The following THSD4 variants were observed in gnomAD, a reference collection of about 807,000 sequenced individuals.
THSD4 encodes the protein thrombospondin type 1 domain containing 4.
THSD4 carries 69 observed loss-of-function variants against 119.0 expected under a neutral mutation model. That is an observed-to-expected ratio of 0.58 (90% CI 0.48 to 0.71). The LOEUF is 0.71. Ranked by LOEUF, THSD4 falls within the 30% of genes least tolerant of loss-of-function variation. The pLI, the probability that THSD4 is intolerant of heterozygous loss-of-function variation, is 0.00. For missense variants in THSD4, 1,393 were observed against 1,391.1 expected (o/e 1.00, Z -0.02); for synonymous variants, 524 against 540.4 (o/e 0.97, Z 0.42).
At chr15:71,548,440 T>C (rs771467866) in intron 7 of THSD4, among the ~76,000 whole-genome samples, 4 of 152,246 alleles carry the variant, frequency 2.6e-5, no homozygotes, top group Non-Finnish European at 4.4e-5. Context: ...ATGTAATTAC[T>C]TTCCCTTGTC....
intron 10 of THSD4, among the ~76,000 whole-genome samples, chr15:71,735,174 A>AC (rs1417115197): frequency 6.6e-6 from 1 of 151,920 alleles, no homozygotes; most frequent in East Asian, 1.9e-4. Flanking sequence ...CATTGGCTAG[A>AC]CCCCCCTGGT....
At chr15:71,315,329 TG>T (rs1057199592) in intron 6 of THSD4, among the ~76,000 whole-genome samples, 2 of 152,244 alleles carry the variant, frequency 1.3e-5, no homozygotes, top group African/African-American at 4.8e-5. Flanking sequence ...GACTTTTAAT[TG>T]TCCACAGACC....
intron 16 of THSD4, among the ~76,000 whole-genome samples, chr15:71,765,790 CTGTGTGTGTGTGTGTG>C (rs59012463): frequency 6.8e-6 from 1 of 146,222 alleles, no homozygotes; most frequent in Non-Finnish European, 1.5e-5. Context: ...CACACACTCT[CTGTGTGTGTGTGTGTG>C]TGTGTGTGTG....
rs547404972 is a variant in THSD4, at chr15:71,756,803, C to T, written c.2416-1099C>T. Among the ~76,000 whole-genome samples the T allele has an allele frequency of 5.9e-5, 9 of 152,076 alleles. No individual in the cohort carries two copies. In the South Asian group the frequency reaches 6.2e-4, roughly 11 times the overall value. ...CCTGTCTCGAAAAAAAGAAAAGACA[C>T]GATAAGATGAGAACCAAAATAAGGG... On this transcript the variant is annotated intron_variant, in intron 14 of 17. Transcript: ENST00000261862.
At position 71,361,209 on chromosome 15, in the gene THSD4, C is replaced by A. The variant is rs529743134; in HGVS notation, c.1016-50478C>A. Among the ~76,000 whole-genome samples the A allele has an allele frequency of 1.0e-3, 155 of 152,266 alleles. 1 individual carries two copies. Among genetic ancestry groups the A allele is most frequent in the African/African-American group, 3.4e-3 (142 of 41,558 alleles). Reference sequence around the variant, plus strand: ...CACTGAAGGAGAAGACCATACATGTCTTTTAACATTTATTGGGAAAGAGCT... The same window carrying A: ...CACTGAAGGAGAAGACCATACATGTATTTTAACATTTATTGGGAAAGAGCT... On this transcript the variant is annotated intron_variant, in intron 6 of 17. Coordinates refer to ENST00000261862, the MANE Select transcript of THSD4 (RefSeq NM_024817.3).
chr15:71,743,151 A>G (rs546436083), intron 11 of THSD4, among the ~76,000 whole-genome samples: 8 of 152,296 alleles, frequency 5.3e-5, no homozygotes, highest in African/African-American at 1.7e-4. Context: ...GACCATGGAC[A>G]ATGTCCATAA....
chr15:71,158,581 G>A (rs893224452), intron 3 of THSD4, among the ~76,000 whole-genome samples: 1 of 151,646 alleles, frequency 6.6e-6, no homozygotes, highest in Non-Finnish European at 1.5e-5. Context: ...ATATTTTTTG[G>A]CCATTTGTAT....
rs543544325 is a variant in THSD4, at chr15:71,589,477, T to C, written c.1153-71053T>C. The stretch of plus-strand genomic sequence containing the variant: ...TTCAAGGGATCCTCCCACTTCAGCC[T>C]TCCAAGTAGCTGGAAACACAGTCAT... On this transcript the variant is annotated intron_variant, in intron 7 of 17. Transcript: ENST00000261862. Among the ~76,000 whole-genome samples, 88 of 138,626 alleles carry C rather than the reference T, an allele frequency of 6.3e-4. 12 individuals are homozygous for C. Among genetic ancestry groups the C allele is most frequent in the Non-Finnish European group, 1.0e-3 (61 of 60,906 alleles). 90.9% of individuals were successfully genotyped at this position (138,626 alleles called of 152,430 possible). A position where few individuals can be genotyped will look rare whatever the true frequency, so the allele number is the denominator to read the frequency against.
At chr15:71,454,991 C>T (rs1400069385) in intron 7 of THSD4, among the ~76,000 whole-genome samples, 12 of 152,176 alleles carry the variant, frequency 7.9e-5, no homozygotes, top group Non-Finnish European at 1.8e-4. Context: ...TCTGATTTGA[C>T]TAGAGGCTCC....
intron 8 of THSD4, among the ~76,000 whole-genome samples, chr15:71,697,791 T>C (rs1479264858): frequency 3.9e-5 from 6 of 152,266 alleles, no homozygotes; most frequent in Non-Finnish European, 7.3e-5. Context: ...TATTGGTTAT[T>C]TGTAGAACAT....
chr15:71,203,956 T>C (rs530430543), intron 3 of THSD4, among the ~76,000 whole-genome samples: 1 of 152,302 alleles, frequency 6.6e-6, no homozygotes, highest in African/African-American at 2.4e-5. Context: ...TGCTAGAAGA[T>C]TGCTGTTCCC....
intron 16 of THSD4, among the ~76,000 whole-genome samples, chr15:71,770,685 G>A (rs1006673009): frequency 6.6e-6 from 1 of 152,160 alleles, no homozygotes; most frequent in Non-Finnish European, 1.5e-5. Flanking sequence ...GGATTCGCAA[G>A]ATAAGTGGAA....
intron 1 of THSD4, among the ~76,000 whole-genome samples, chr15:71,130,506 G>A (rs1275691235): frequency 1.3e-5 from 2 of 151,720 alleles, no homozygotes; most frequent in Admixed American, 1.3e-4. Context: ...GTTTAATTTA[G>A]TGCTAAGACA....
chr15:71,490,161 C>T (rs562821890), intron 7 of THSD4, among the ~76,000 whole-genome samples: 1 of 152,268 alleles, frequency 6.6e-6, no homozygotes, highest in East Asian at 1.9e-4. Context: ...TGTGGTGGCT[C>T]ACACCTCTAA....
chr15:71,513,078 G>C lies in THSD4; in HGVS notation c.1152+101255G>C, dbSNP rs114453588. ...ATAATCATGACACAGCTGATGAGTA[G>C]TGTTGAAGAAGATGCAGAATCAGAG... On this transcript the variant is annotated intron_variant, in intron 7 of 17. Coordinates refer to ENST00000261862, the MANE Select transcript of THSD4 (RefSeq NM_024817.3). Among the ~76,000 whole-genome samples the C allele has an allele frequency of 5.5e-3, 834 of 151,886 alleles. 10 individuals are homozygous for C. Among genetic ancestry groups the C allele is most frequent in the African/African-American group, 0.019 (797 of 41,556 alleles).
Position 71,691,877 on chromosome 15 carries a change from G to GT in THSD4, c.1357+31144dup, listed in dbSNP as rs914797723. ...CGAATACATGAGAGATTGGCATAGCGTATCCCCAGGGGAATGAGAATGAAA... is the reference window on the plus strand; with the variant it reads ...CGAATACATGAGAGATTGGCATAGCGTTATCCCCAGGGGAATGAGAATGAAA... On this transcript the variant is annotated intron_variant, in intron 8 of 17. Transcript: ENST00000261862. 1.2e-4 allele frequency among the ~76,000 whole-genome samples: 18 copies of GT among 152,328 alleles called. 1 individual carries two copies. Among genetic ancestry groups the GT allele is most frequent in the African/African-American group, 4.3e-4 (18 of 41,582 alleles).
At chr15:71,415,597 A>G (rs183138811) in intron 7 of THSD4, among the ~76,000 whole-genome samples, 9 of 152,174 alleles carry the variant, frequency 5.9e-5, no homozygotes, top group Non-Finnish European at 1.3e-4. Context: ...GACTGTAGTC[A>G]CCCTGTTGTG....
chr15:71,357,475 T>C (rs912847106), intron 6 of THSD4, among the ~76,000 whole-genome samples: 1 of 152,164 alleles, frequency 6.6e-6, no homozygotes, highest in Non-Finnish European at 1.5e-5. Flanking sequence ...CTGGCTTCTC[T>C]AAGAGGGCGT....
At chr15:71,145,385 T>A (rs1231543260) in intron 2 of THSD4, among the ~76,000 whole-genome samples, 1 of 152,146 alleles carries the variant, frequency 6.6e-6, no homozygotes, top group Non-Finnish European at 1.5e-5. Flanking sequence ...TTTTTATAGA[T>A]CTTATGAGGG....
Sources: allele counts gnomAD v4.1 joint callset (sites outside exome capture counted in the v4.1 genomes callset), GRCh38; gene constraint gnomAD v4.1.1; transcripts MANE v1.5; gene names NCBI Gene and HGNC (gene_info 2026-07-23, HGNC 2026-07-21).